LRGUK: variants seen among roughly 807,000 people sequenced by gnomAD.
The protein encoded by LRGUK is leucine rich repeats and guanylate kinase domain containing, also known as leucine-rich repeat and guanylate kinase domain-containing protein.
A neutral mutation model predicts 76.0 loss-of-function variants in LRGUK; 65 were observed. The observed-to-expected ratio is 0.85, with a 90% CI of 0.70 to 1.05. LRGUK has a LOEUF of 1.05. LRGUK is among the 50% of genes least tolerant of loss of function. LRGUK has a pLI of 0.00. For missense variants in LRGUK, 758 were observed against 732.8 expected (o/e 1.03, Z -0.40); for synonymous variants, 268 against 265.6 (o/e 1.01, Z -0.09).
At chr7:134,252,339 T>TAATTAAATTAAATTAAATTA (rs146773478) in intron 18 of LRGUK, among the ~76,000 whole-genome samples, 2 of 145,666 alleles carry the variant, frequency 1.4e-5, no homozygotes, top group African/African-American at 2.5e-5. Context: ...CTCAAATAGA[T>TAATTAAATTAAATTAAATTA]AATTAAATTA....
At chr7:134,129,960 G>C (rs535902862) in intron 1 of LRGUK, among the ~76,000 whole-genome samples, 1 of 151,852 alleles carries the variant, frequency 6.6e-6, no homozygotes, top group Non-Finnish European at 1.5e-5. Flanking sequence ...TCTAACCTGC[G>C]GTGTCTTCTG....
chr7:134,150,437 G>C (rs1016494777), intron 5 of LRGUK, among the ~76,000 whole-genome samples: 1 of 151,098 alleles, frequency 6.6e-6, no homozygotes, highest in African/African-American at 2.4e-5. Context: ...ATTCTAGCCT[G>C]GCGACAGAGC....
At chr7:134,197,063 C>A in exon 13 of LRGUK, 2 of 1,611,580 alleles carry the variant, frequency 1.2e-6, no homozygotes, top group African/African-American at 1.3e-5. Context: ...TAGAAGGTAT[C>A]GCAAGAGATG....
rs200779555 is a variant in LRGUK at position 134,174,575 on chromosome 7, T to C, written c.959T>C (p.Ile320Thr). The change falls in exon 8 of 16, where the codon ATA becomes ACA. Residue 320 changes from isoleucine (I) to threonine (T), a missense_variant. Ile to Thr is a moderately conservative substitution (Grantham distance 89). Transcript: ENST00000645682. ...GAACAGATTGCTGAGCTGAGAGAAA[T>C]AGAATACATTAAAAATTTACCCATC... 146 of 1,606,506 alleles carry C rather than the reference T, an allele frequency of 9.1e-5. 1 individual carries two copies. The highest frequency in any genetic ancestry group is 1.0e-4 in the Non-Finnish European group (120 of 1,173,502).
At chr7:134,179,733 C>T (rs541827464) in intron 10 of LRGUK, among the ~76,000 whole-genome samples, 1 of 152,290 alleles carries the variant, frequency 6.6e-6, no homozygotes, top group South Asian at 2.1e-4. Context: ...ATGTCTTGAT[C>T]ATTTCTGGCT....
chr7:134,191,628 ACTAG>A (rs1800251964), intron 11 of LRGUK, 23 bp from the exon 12 acceptor site: 1 of 1,422,062 alleles, frequency 7.0e-7, no homozygotes, highest in African/African-American at 1.4e-5. Flanking sequence ...TTAGAAATGG[ACTAG>A]GTGATCTGTT....
chr7:134,154,111 T>TA (rs768179875), intron 5 of LRGUK, among the ~76,000 whole-genome samples: 7 of 152,204 alleles, frequency 4.6e-5, no homozygotes, highest in Non-Finnish European at 8.8e-5. Context: ...AATTTCACTT[T>TA]AAAAGATTTA....
chr7:134,206,707 A>C (rs1463007301), intron 15 of LRGUK, among the ~76,000 whole-genome samples: 1 of 152,152 alleles, frequency 6.6e-6, no homozygotes, highest in African/African-American at 2.4e-5. Context: ...TAAGGTAAAA[A>C]CTATATTCAC....
chr7:134,254,198 G>C (rs1279810803), intron 18 of LRGUK, among the ~76,000 whole-genome samples: 1 of 152,104 alleles, frequency 6.6e-6, no homozygotes, highest in Non-Finnish European at 1.5e-5. Context: ...TTTTTAAATG[G>C]TGCAAACAGA....
chr7:134,199,982 TTATATATA>T (rs71172442), intron 14 of LRGUK, among the ~76,000 whole-genome samples: 1,914 of 38,404 alleles, frequency 0.05, 41 homozygotes, highest in East Asian at 0.065. Context: ...CTAGAAACTT[TTATATATA>T]TATATATATA....
At chr7:134,148,463 T>C (rs1332076057) in intron 5 of LRGUK, 144 bp downstream of exon 5, 1 of 594,108 alleles carries the variant, frequency 1.7e-6, no homozygotes, top group African/African-American at 2.0e-5. Context: ...GGACTAGGAA[T>C]TGGTATTCAC....
exon 16 of LRGUK, chr7:134,209,833 C>G: frequency 2.5e-6 from 1 of 399,344 alleles, no homozygotes. Flanking sequence ...TCAGTCCCCC[C>G]AGCCAGGAGC....
chr7:134,182,318 T>C (rs1186014965), intron 10 of LRGUK, among the ~76,000 whole-genome samples: 4 of 152,228 alleles, frequency 2.6e-5, no homozygotes, highest in Non-Finnish European at 5.9e-5. Flanking sequence ...TGAACATTCA[T>C]GTCCAGGCTT....
chr7:134,209,807 G>A, exon 16 of LRGUK: 1 of 399,492 alleles, frequency 2.5e-6, no homozygotes, highest in East Asian at 3.6e-5. Context: ...GGTCAGTGAG[G>A]TGAAACTCCC....
chr7:134,136,925 G>A (rs1797563351), intron 1 of LRGUK, 98 bp from the exon 2 acceptor site: 3 of 1,027,598 alleles, frequency 2.9e-6, no homozygotes, highest in Admixed American at 4.4e-5. Context: ...CAGCTCCTGG[G>A]TATAAAATAT....
intron 1 of LRGUK, among the ~76,000 whole-genome samples, chr7:134,132,827 G>T (rs1797369681): frequency 6.6e-6 from 1 of 152,140 alleles, no homozygotes; most frequent in Admixed American, 6.5e-5. Context: ...ATTAGGACAG[G>T]TGCTCCTAGG....
intron 11 of LRGUK, among the ~76,000 whole-genome samples, chr7:134,184,300 G>A (rs1331644101): frequency 6.7e-6 from 1 of 149,306 alleles, no homozygotes; most frequent in Non-Finnish European, 1.5e-5. Flanking sequence ...TACGGAATCT[G>A]GCTCTGTCAC....
At chr7:134,166,931 A>G (rs1025938847) in intron 7 of LRGUK, among the ~76,000 whole-genome samples, 5 of 152,198 alleles carry the variant, frequency 3.3e-5, no homozygotes, top group African/African-American at 1.2e-4. Flanking sequence ...ATTAAACCCA[A>G]TCAGGCTTCT....
intron 4 of LRGUK, among the ~76,000 whole-genome samples, chr7:134,143,494 A>T (rs1797853314): frequency 6.6e-6 from 1 of 152,134 alleles, no homozygotes; most frequent in East Asian, 1.9e-4. Flanking sequence ...TAAAAATATT[A>T]CTTGGTACAT....
Sources: gnomAD v4.1 joint callset for allele counts (sites outside exome capture counted in the v4.1 genomes callset) on GRCh38, gnomAD v4.1.1 for gene constraint, MANE v1.5 for transcripts, NCBI Gene and HGNC (gene_info 2026-07-23, HGNC 2026-07-21) for gene names.